SPAG17: variants seen among roughly 807,000 people sequenced by gnomAD.
SPAG17 encodes the protein sperm-associated antigen 17.
SPAG17 carries 169 observed loss-of-function variants against 273.6 expected under a neutral mutation model. The observed-to-expected ratio is 0.62, with a 90% CI of 0.55 to 0.70. SPAG17 has a LOEUF of 0.70. Among genes scored for constraint, SPAG17 ranks in the 30% least tolerant of loss-of-function variants. The pLI is 0.00. For synonymous variants in SPAG17, 825 were observed against 873.2 expected, an observed-to-expected ratio of 0.94 and a Z score of 0.97; for missense variants, 2,557 against 2,627.8, an observed-to-expected ratio of 0.97 and a Z score of 0.59.
chr1:118,054,724 T>C (rs2101996024), intron 19 of SPAG17, among the ~76,000 whole-genome samples: 1 of 152,140 alleles, frequency 6.6e-6, no homozygotes, highest in Non-Finnish European at 1.5e-5. Context: ...ATCTATTTAT[T>C]TTTCTTTTCT....
intron 15 of SPAG17, among the ~76,000 whole-genome samples, chr1:118,080,695 G>C (rs1654477851): frequency 6.6e-6 from 1 of 152,184 alleles, no homozygotes; most frequent in Admixed American, 6.5e-5. Flanking sequence ...TACAATGACA[G>C]TAATAGCCTG....
intron 24 of SPAG17, among the ~76,000 whole-genome samples, chr1:118,034,530 T>G (rs986057459): frequency 6.6e-6 from 1 of 152,326 alleles, no homozygotes; most frequent in East Asian, 1.9e-4. Context: ...CCACTTGCTC[T>G]GGGAAGCATT....
rs373308936 is a variant in SPAG17, at chr1:118,066,744, C to A, written c.2540+1G>T. The A allele has an allele frequency of 1.9e-6, 3 of 1,604,580 alleles. No individual in the cohort carries two copies. Among genetic ancestry groups the A allele is most frequent in the African/African-American group, 1.3e-5 (1 of 74,526 alleles). ...TTAACTAAACTTTCCAAATTTGTTA[C>A]CTGAATCCAACATTGGAGTGGAGAG... On this transcript the variant is annotated splice_donor_variant, in intron 18 of 48. Transcript: ENST00000336338. LOFTEE classifies it high-confidence loss of function.
intron 2 of SPAG17, 90 bp from the exon 3 acceptor site, chr1:118,150,719 G>T: frequency 1.4e-6 from 1 of 704,744 alleles, no homozygotes; most frequent in Non-Finnish European, 2.3e-6. Context: ...TAGGTGATCT[G>T]AAGGGTTGGG....
At position 117,996,367 on chromosome 1, in the gene SPAG17, T is replaced by TA; in HGVS notation, c.5053+2dup. 6.2e-7 allele frequency: 1 copy of TA among 1,610,848 alleles called. No individual in the cohort carries two copies. Among genetic ancestry groups the TA allele is most frequent in the Non-Finnish European group, 8.5e-7 (1 of 1,178,310 alleles). ...TGCATTCCAGACAGTATGGGTCCTC[T>TA]ACCTGGCTGTTCCTGCACTGGCTCT... On this transcript the variant is annotated splice_region_variant and intron_variant, in intron 34 of 48. Transcript: ENST00000336338.
chr1:117,968,116 G>T (rs943758740), intron 46 of SPAG17, among the ~76,000 whole-genome samples: 2 of 152,148 alleles, frequency 1.3e-5, no homozygotes, highest in African/African-American at 4.8e-5. Flanking sequence ...GTTTGCCCAG[G>T]CTTTGAGCAG....
chr1:118,125,453 C>T (rs575121315), intron 3 of SPAG17, among the ~76,000 whole-genome samples: 68 of 152,226 alleles, frequency 4.5e-4, no homozygotes, highest in South Asian at 2.3e-3. Context: ...ACCTACAGTG[C>T]TATAGAACAC....
chr1:118,054,883 C>T (rs947422060), intron 19 of SPAG17, among the ~76,000 whole-genome samples: 1 of 151,984 alleles, frequency 6.6e-6, no homozygotes, highest in African/African-American at 2.4e-5. Context: ...CATGTACAAA[C>T]TCCTTTGGTA....
chr1:118,029,451 T>C (rs1184927939), intron 25 of SPAG17, among the ~76,000 whole-genome samples: 1 of 152,204 alleles, frequency 6.6e-6, no homozygotes, highest in East Asian at 1.9e-4. Context: ...TTTTTTGGTG[T>C]ATTCTTACAA....
chr1:118,048,545 T>C (rs552306391), intron 20 of SPAG17, among the ~76,000 whole-genome samples: 3 of 152,058 alleles, frequency 2.0e-5, no homozygotes, highest in African/African-American at 7.2e-5. Context: ...AAAAGAGAGA[T>C]GACTCAAACA....
intron 15 of SPAG17, among the ~76,000 whole-genome samples, chr1:118,075,136 A>C (rs750702033): frequency 2.0e-5 from 3 of 152,364 alleles, no homozygotes; most frequent in Middle Eastern, 3.4e-3. Flanking sequence ...TCCATTCATT[A>C]ATCATTTATT....
intron 45 of SPAG17, 62 bp from the exon 46 acceptor site, chr1:117,970,178 G>T: frequency 6.7e-7 from 1 of 1,500,244 alleles, no homozygotes; most frequent in South Asian, 1.2e-5. Flanking sequence ...CAATGAATAA[G>T]CTGGGATGTT....
intron 48 of SPAG17, among the ~76,000 whole-genome samples, chr1:117,955,531 G>T (rs1652071301): frequency 6.6e-6 from 1 of 152,080 alleles, no homozygotes; most frequent in African/African-American, 2.4e-5. Flanking sequence ...GCTAGAACTA[G>T]GAAGTTCCTT....
chr1:118,108,892 A>G (rs2102239604), intron 4 of SPAG17, among the ~76,000 whole-genome samples: 1 of 152,308 alleles, frequency 6.6e-6, no homozygotes, highest in South Asian at 2.1e-4. Flanking sequence ...AGTGACACCT[A>G]TCTAGAACAC....
At chr1:118,058,715 T>G (rs1467476400) in intron 18 of SPAG17, among the ~76,000 whole-genome samples, 1 of 152,160 alleles carries the variant, frequency 6.6e-6, no homozygotes, top group Non-Finnish European at 1.5e-5. Context: ...TAATCAACTC[T>G]ACACTAACCT....
chr1:118,040,687 T>C (rs1391966563), intron 22 of SPAG17, 43 bp downstream of exon 22: 2 of 1,311,368 alleles, frequency 1.5e-6, no homozygotes, highest in Non-Finnish European at 2.2e-6. Flanking sequence ...CTGAAATGCA[T>C]TATTATGTTT....
chr1:118,099,064 A>G (rs1198823797), intron 6 of SPAG17, among the ~76,000 whole-genome samples: 2 of 152,128 alleles, frequency 1.3e-5, no homozygotes, highest in Non-Finnish European at 2.9e-5. Flanking sequence ...ATCTAGGATA[A>G]TCTTCTTAGA....
At chr1:118,134,042 A>G (rs1157937705) in intron 3 of SPAG17, among the ~76,000 whole-genome samples, 1 of 152,240 alleles carries the variant, frequency 6.6e-6, no homozygotes, top group Non-Finnish European at 1.5e-5. Context: ...GATAAATTGG[A>G]ACTATCAGAA....
chr1:117,968,414 G>A (rs1296069427), intron 46 of SPAG17, among the ~76,000 whole-genome samples: 1 of 152,084 alleles, frequency 6.6e-6, no homozygotes, highest in African/African-American at 2.4e-5. Flanking sequence ...GGCTTGTTTT[G>A]ATTTTTGTCT....
Sources: gnomAD v4.1 joint callset for allele counts (sites outside exome capture counted in the v4.1 genomes callset) on GRCh38, gnomAD v4.1.1 for gene constraint, MANE v1.5 for transcripts, NCBI Gene and HGNC (gene_info 2026-07-23, HGNC 2026-07-21) for gene names.